The following HCN1 variants were observed in gnomAD, a reference collection of about 807,000 sequenced individuals.
HCN1 encodes potassium/sodium hyperpolarization-activated cyclic nucleotide-gated channel 1.
In HCN1, 13 loss-of-function variants were observed where a neutral mutation model predicts 78.9. That is an observed-to-expected ratio of 0.16 (90% confidence interval 0.11 to 0.26). The LOEUF is 0.26. Among genes scored for constraint, HCN1 ranks in the 10% least tolerant of loss-of-function variants. HCN1 has a pLI of 1.00. For missense variants in HCN1, 810 were observed against 1,154.3 expected, an observed-to-expected ratio of 0.70 and a Z score of 4.32; for synonymous variants, 552 against 455.5, an observed-to-expected ratio of 1.21 and a Z score of -2.70.
intron 1 of HCN1, among the ~76,000 whole-genome samples, chr5:45,691,818 C>G (rs1013382987): frequency 1.3e-5 from 2 of 152,162 alleles, no homozygotes; most frequent in African/African-American, 4.8e-5. Context: ...CATCAGTGAT[C>G]TCTGATATCA....
At chr5:45,411,266 T>C (rs1740015558) in intron 3 of HCN1, among the ~76,000 whole-genome samples, 1 of 152,062 alleles carries the variant, frequency 6.6e-6, no homozygotes, top group South Asian at 2.1e-4. Flanking sequence ...AATTCAGATG[T>C]AGACTGATTT....
intron 4 of HCN1, among the ~76,000 whole-genome samples, chr5:45,371,959 TTA>T (rs1486678092): frequency 1.1e-5 from 1 of 87,772 alleles, no homozygotes; most frequent in Non-Finnish European, 2.0e-5. Context: ...TATAATATAA[TTA>T]TATATTATAT....
intron 1 of HCN1, among the ~76,000 whole-genome samples, chr5:45,687,705 C>A (rs934375812): frequency 4.6e-5 from 7 of 152,222 alleles, no homozygotes; most frequent in African/African-American, 1.7e-4. Context: ...CCTCATGAGA[C>A]TTTTCTCAAA....
chr5:45,693,187 T>G (rs1228969079), intron 1 of HCN1, among the ~76,000 whole-genome samples: 2 of 152,164 alleles, frequency 1.3e-5, no homozygotes, highest in East Asian at 3.9e-4. Flanking sequence ...TTTCCTATTT[T>G]TGTTCTTTCA....
intron 1 of HCN1, among the ~76,000 whole-genome samples, chr5:45,688,427 A>T (rs1739848739): frequency 6.6e-6 from 1 of 152,140 alleles, no homozygotes; most frequent in Non-Finnish European, 1.5e-5. Context: ...TGGGCAGGGA[A>T]ATGTAATAGT....
chr5:45,541,692 A>G (rs1383455182), intron 2 of HCN1, among the ~76,000 whole-genome samples: 1 of 152,214 alleles, frequency 6.6e-6, no homozygotes, highest in East Asian at 1.9e-4. Flanking sequence ...TTTCTTTTAC[A>G]AAACTTAAAA....
intron 2 of HCN1, among the ~76,000 whole-genome samples, chr5:45,476,600 G>C (rs1055202206): frequency 2.6e-5 from 4 of 152,092 alleles, no homozygotes; most frequent in South Asian, 2.1e-4. Flanking sequence ...CTTTGGGATT[G>C]TATTGGAAAT....
At chr5:45,464,922 G>A (rs986228023) in intron 2 of HCN1, among the ~76,000 whole-genome samples, 17 of 152,138 alleles carry the variant, frequency 1.1e-4, no homozygotes, top group Admixed American at 9.2e-4. Flanking sequence ...TTTATGCACA[G>A]CCACAACTTA....
At chr5:45,597,581 A>G (rs1351097202) in intron 2 of HCN1, among the ~76,000 whole-genome samples, 1 of 152,126 alleles carries the variant, frequency 6.6e-6, no homozygotes, top group Non-Finnish European at 1.5e-5. Context: ...CAATCAGGCA[A>G]GAGAAGGAAA....
intron 2 of HCN1, among the ~76,000 whole-genome samples, chr5:45,641,105 G>T (rs559697979): frequency 6.6e-6 from 1 of 152,112 alleles, no homozygotes; most frequent in Non-Finnish European, 1.5e-5. Context: ...CTAATACAGG[G>T]CAGGTTTGGG....
intron 2 of HCN1, among the ~76,000 whole-genome samples, chr5:45,497,280 C>G (rs1742059446): frequency 6.6e-6 from 1 of 152,094 alleles, no homozygotes; most frequent in African/African-American, 2.4e-5. Context: ...TCTCGTTGAT[C>G]TGTCTAATGT....
At chr5:45,595,687 C>G (rs192215769) in intron 2 of HCN1, among the ~76,000 whole-genome samples, 1 of 152,002 alleles carries the variant, frequency 6.6e-6, no homozygotes, top group African/African-American at 2.4e-5. Context: ...GCTGGCTCTT[C>G]CCCTTAAGGA....
intron 3 of HCN1, among the ~76,000 whole-genome samples, chr5:45,410,798 C>A (rs1740007089): frequency 6.6e-6 from 1 of 151,954 alleles, no homozygotes; most frequent in Non-Finnish European, 1.5e-5. Context: ...AGCCTAATTC[C>A]CAACTTAAAT....
chr5:45,513,926 C>T (rs1742468649), intron 2 of HCN1, among the ~76,000 whole-genome samples: 1 of 152,048 alleles, frequency 6.6e-6, no homozygotes, highest in South Asian at 2.1e-4. Context: ...TTTAAAAGGA[C>T]ATAAACTGTC....
intron 2 of HCN1, among the ~76,000 whole-genome samples, chr5:45,497,576 T>C (rs1742071820): frequency 6.6e-6 from 1 of 152,186 alleles, no homozygotes; most frequent in Non-Finnish European, 1.5e-5. Context: ...TCCATCCTTT[T>C]ATTTTGAGCC....
Position 45,696,251 on chromosome 5 carries a change from G to T in HCN1, c.-158C>A. ...GCGGCGGCGGCGGCTGCTGCTTCCC[G>T]ACCGCGCCGCTGCTAGCTGCGCGCC... is the stretch of plus-strand genomic sequence containing the variant. On this transcript the variant is annotated 5_prime_UTR_variant, in exon 1 of 8. Coordinates refer to ENST00000303230, the MANE Select transcript of HCN1 (RefSeq NM_021072.4). The T allele has an allele frequency of 1.7e-5, 3 of 171,896 alleles. No individual in the cohort carries two copies. The South Asian group carries it at 5.4e-4, about 31-fold the overall frequency. 10.6% of individuals were successfully genotyped at this position (171,896 alleles called of 1,614,324 possible).
At chr5:45,668,713 G>C (rs1746096009) in intron 1 of HCN1, among the ~76,000 whole-genome samples, 1 of 151,866 alleles carries the variant, frequency 6.6e-6, no homozygotes, top group African/African-American at 2.4e-5. Context: ...TGGATGTTAG[G>C]AGATAAGCAA....
rs1223847530 is a variant in HCN1 at position 45,580,665 on chromosome 5, T to G, written c.849+64520A>C. On this transcript the variant is annotated intron_variant, in intron 2 of 7. Transcript: ENST00000303230. Reference sequence around the variant, plus strand: ...AACTCGTCATTTAATATTAGGTATATCTCATAATGCTATTTCTCTCCCCTC... The same window carrying G: ...AACTCGTCATTTAATATTAGGTATAGCTCATAATGCTATTTCTCTCCCCTC... Among the ~76,000 whole-genome samples the G allele has an allele frequency of 2.0e-5, 3 of 152,208 alleles. No homozygotes were observed. In the South Asian group the frequency reaches 6.2e-4, roughly 32 times the overall value.
intron 2 of HCN1, among the ~76,000 whole-genome samples, chr5:45,565,314 C>G (rs1454684766): frequency 4.6e-5 from 7 of 152,158 alleles, no homozygotes; most frequent in African/African-American, 1.7e-4. Flanking sequence ...ATTCCTAGTG[C>G]ATAGCAGGCT....
Sources: allele counts gnomAD v4.1 joint callset (sites outside exome capture counted in the v4.1 genomes callset), GRCh38; gene constraint gnomAD v4.1.1; transcripts MANE v1.5; gene names NCBI Gene and HGNC (gene_info 2026-07-23, HGNC 2026-07-21).